Variants in ZNF521 observed in about 807,000 individuals in gnomAD.
ZNF521 encodes the protein zinc finger protein 521.
A neutral mutation model predicts 105.5 loss-of-function variants in ZNF521; 14 were observed. The observed-to-expected ratio is 0.13, with a 90% CI of 0.09 to 0.21. The LOEUF (loss-of-function observed/expected upper bound fraction) is 0.21. ZNF521 is among the 10% of genes least tolerant of loss of function. The probability of loss-of-function intolerance (pLI) is 1.00; values close to 1 mark genes in which losing one functional copy is unlikely to be tolerated. For missense variants in ZNF521, 1,233 were observed against 1,629.7 expected, an observed-to-expected ratio of 0.76 and a Z score of 4.19; for synonymous variants, 635 against 606.0, an observed-to-expected ratio of 1.05 and a Z score of -0.70.
chr18:25,076,288 A>T (rs2033359754), intron 7 of ZNF521, among the ~76,000 whole-genome samples: 3 of 152,220 alleles, frequency 2.0e-5, no homozygotes, highest in Non-Finnish European at 2.9e-5. Flanking sequence ...TGTTTATCCC[A>T]GTTGTTTTTC....
intron 5 of ZNF521, among the ~76,000 whole-genome samples, chr18:25,167,790 G>A (rs923022993): frequency 2.0e-5 from 3 of 152,146 alleles, no homozygotes; most frequent in Non-Finnish European, 2.9e-5. Context: ...TCTGAACGGA[G>A]AGAAAGCAAG....
chr18:25,063,701 T>C (rs1229915987), intron 7 of ZNF521, among the ~76,000 whole-genome samples: 1 of 152,138 alleles, frequency 6.6e-6, no homozygotes, highest in Non-Finnish European at 1.5e-5. Context: ...CAGGCCTGGA[T>C]GATGGTCACA....
chr18:25,322,854 T>C (rs1913013962), intron 2 of ZNF521, among the ~76,000 whole-genome samples: 2 of 152,166 alleles, frequency 1.3e-5, no homozygotes, highest in African/African-American at 4.8e-5. Context: ...AAAACAATTA[T>C]AAATAATAAT....
At position 25,294,955 on chromosome 18, in the gene ZNF521, T is replaced by TA. The variant is rs113066772; in HGVS notation, c.220+27052dup. Among the ~76,000 whole-genome samples the TA allele has an allele frequency of 0.011, 1,696 of 151,350 alleles. 99 individuals carry two copies. The East Asian group carries it at 0.2, about 18-fold the overall frequency. On this transcript the variant is annotated intron_variant, in intron 3 of 7. Transcript: ENST00000361524. ...TTTATCTCTTTCACATAGTTTCTTT[T>TA]AAAAAAAATTGACGAAATATACCTA...
In ZNF521 at chr18:25,349,876, G is replaced by A. The variant is rs544523425; in HGVS notation, c.40+1031C>T. Among the ~76,000 whole-genome samples, 772 of 150,728 alleles carry A rather than the reference G, an allele frequency of 5.1e-3. 13 individuals carry two copies. The highest frequency in any genetic ancestry group is 4.5e-3 in the Non-Finnish European group (301 of 67,554). Reference sequence around the variant, plus strand: ...CTCCAGCGCTGGCCCCCTGGCCCTCGCCCCGGTTCCCCGTCCTGCCCGCGC... The same window carrying A: ...CTCCAGCGCTGGCCCCCTGGCCCTCACCCCGGTTCCCCGTCCTGCCCGCGC... On this transcript the variant is annotated intron_variant, in intron 2 of 7. Transcript: ENST00000361524.
intron 7 of ZNF521, among the ~76,000 whole-genome samples, chr18:25,086,850 A>G (rs1440806948): frequency 6.6e-6 from 1 of 152,132 alleles, no homozygotes; most frequent in African/African-American, 2.4e-5. Flanking sequence ...AAAACTCAAA[A>G]AGAGTTGTGT....
chr18:25,071,525 T>C (rs1313142858), intron 7 of ZNF521, among the ~76,000 whole-genome samples: 1 of 152,156 alleles, frequency 6.6e-6, no homozygotes, highest in Non-Finnish European at 1.5e-5. Flanking sequence ...TTGAAAGAAC[T>C]ACAGAGCCAT....
intron 7 of ZNF521, among the ~76,000 whole-genome samples, chr18:25,071,832 G>A (rs746088552): frequency 6.6e-6 from 1 of 152,124 alleles, no homozygotes; most frequent in Non-Finnish European, 1.5e-5. Flanking sequence ...CACAGAGGAA[G>A]GGCCCTTCAC....
chr18:25,327,094 A>G (rs1397080966), intron 2 of ZNF521, among the ~76,000 whole-genome samples: 1 of 152,212 alleles, frequency 6.6e-6, no homozygotes, highest in African/African-American at 2.4e-5. Context: ...ACAAAAAAAA[A>G]TTAAAGAAAA....
intron 5 of ZNF521, among the ~76,000 whole-genome samples, chr18:25,176,431 G>C (rs1398722953): frequency 2.0e-5 from 3 of 152,180 alleles, no homozygotes; most frequent in Non-Finnish European, 2.9e-5. Flanking sequence ...GTCTCATAAT[G>C]AGAAAACTGT....
In ZNF521 at chr18:25,226,824, A is replaced by C; in HGVS notation, c.1094T>G (p.Val365Gly). 1 of 1,613,754 alleles carries C rather than the reference A, an allele frequency of 6.2e-7. No homozygotes were observed. Among genetic ancestry groups the C allele is most frequent in the Non-Finnish European group, 8.5e-7 (1 of 1,179,950 alleles). Reference sequence around the variant, plus strand: ...AGCTTCCACCATGGTTGAGCTGTCCACTGAGAGGTTGGAATCTGGAGTCGT... The same window carrying C: ...AGCTTCCACCATGGTTGAGCTGTCCCCTGAGAGGTTGGAATCTGGAGTCGT... ...SSTTPDSNLS[V>G]DSSTMVEAAP... Residue 365 changes from valine (V) to glycine (G), a missense_variant, in exon 4 of 8, where the codon GTG becomes GGG. This residue lies in a region of ZNF521 where 380 missense variants were observed against 478.0 expected (regional missense o/e 0.80). Transcript: ENST00000361524. The surrounding 1 kb of genome is among the most constrained non-coding windows in gnomAD (Gnocchi z 4.1).
At chr18:25,212,538 A>AATAT (rs1279194731) in intron 4 of ZNF521, among the ~76,000 whole-genome samples, 1,626 of 47,938 alleles carry the variant, frequency 0.034, 75 homozygotes, top group African/African-American at 0.04. Flanking sequence ...AAAAAAAAAA[A>AATAT]ATATATATAT....
At chr18:25,171,433 T>C (rs949565402) in intron 5 of ZNF521, among the ~76,000 whole-genome samples, 12 of 152,288 alleles carry the variant, frequency 7.9e-5, no homozygotes, top group African/African-American at 2.9e-4. Context: ...ATATGTGTTA[T>C]GATTAAAATC....
At chr18:25,069,565 C>G (rs1047703476) in intron 7 of ZNF521, among the ~76,000 whole-genome samples, 6 of 152,116 alleles carry the variant, frequency 3.9e-5, no homozygotes, top group Admixed American at 1.3e-4. Context: ...CTATATAATT[C>G]CTGGCTGAGG....
intron 3 of ZNF521, among the ~76,000 whole-genome samples, chr18:25,296,977 T>A (rs1278344660): frequency 6.6e-6 from 1 of 152,118 alleles, no homozygotes; most frequent in Non-Finnish European, 1.5e-5. Flanking sequence ...AAAAGTCTTA[T>A]GTTTTTCTGT....
chr18:25,305,682 CT>C (rs1911936625), intron 3 of ZNF521, among the ~76,000 whole-genome samples: 1 of 152,198 alleles, frequency 6.6e-6, no homozygotes, highest in South Asian at 2.1e-4. Flanking sequence ...CACATTAATT[CT>C]TTTTGAATTT....
At chr18:25,195,139 A>G in intron 5 of ZNF521, 21 bp downstream of exon 5, 1 of 1,558,760 alleles carries the variant, frequency 6.4e-7, no homozygotes, top group South Asian at 1.1e-5. Context: ...TATCTGTAAT[A>G]AGGTTTAGAG....
At chr18:25,163,110 C>T (rs1226112577) in intron 5 of ZNF521, among the ~76,000 whole-genome samples, 1 of 152,106 alleles carries the variant, frequency 6.6e-6, no homozygotes, top group Non-Finnish European at 1.5e-5. Context: ...ATCTAGAATG[C>T]TTGCTTTCTA....
intron 3 of ZNF521, among the ~76,000 whole-genome samples, chr18:25,266,630 C>T (rs1568044044): frequency 6.6e-6 from 1 of 152,156 alleles, no homozygotes; most frequent in African/African-American, 2.4e-5. Context: ...TGTCGCCTCA[C>T]TGAGAAGTGC....
Sources: allele counts gnomAD v4.1 joint callset (sites outside exome capture counted in the v4.1 genomes callset), GRCh38; gene constraint gnomAD v4.1.1; regional missense constraint gnomAD v4.1.1; non-coding constraint Gnocchi (gnomAD v3.1); transcripts MANE v1.5; gene names NCBI Gene and HGNC (gene_info 2026-07-23, HGNC 2026-07-21).